The following CACNA1E variants were observed in gnomAD, a reference collection of about 807,000 sequenced individuals.
The protein encoded by CACNA1E is voltage-dependent R-type calcium channel subunit alpha-1E.
In CACNA1E, 40 loss-of-function variants were observed where a neutral mutation model predicts 259.2. The ratio of observed to expected loss-of-function variants is 0.15; its 90% CI spans 0.12 to 0.20. CACNA1E has a LOEUF of 0.20. CACNA1E is among the 10% of genes least tolerant of loss of function. CACNA1E has a pLI of 1.00. For synonymous variants in CACNA1E, 1,104 were observed against 1,138.5 expected (o/e 0.97, Z 0.61); for missense variants, 1,874 against 3,040.1 (o/e 0.62, Z 9.02).
rs199857531 is a variant in CACNA1E, at chr1:181,681,377, T to TG, written c.1056-29571dup. 1.0e-3 allele frequency among the ~76,000 whole-genome samples: 156 copies of TG among 152,292 alleles called. No homozygotes were observed. The East Asian group carries it at 0.013, about 12-fold the overall frequency. On this transcript the variant is annotated intron_variant, in intron 7 of 47. Transcript: ENST00000367573. ...CTACCAAAAACCCACTTGGCCATCTTGGGGGGCCTCTGGAATTCCTGGAGC... is the reference window on the plus strand; with the variant it reads ...CTACCAAAAACCCACTTGGCCATCTTGGGGGGGCCTCTGGAATTCCTGGAGC...
At chr1:181,493,249 T>C (rs1664469297) in intron 1 of CACNA1E, among the ~76,000 whole-genome samples, 1 of 152,020 alleles carries the variant, frequency 6.6e-6, no homozygotes, top group Non-Finnish European at 1.5e-5. Context: ...CTATCAGGAG[T>C]AGTGATTCTC....
At chr1:181,659,366 T>A (rs1263337892) in intron 7 of CACNA1E, among the ~76,000 whole-genome samples, 1 of 152,204 alleles carries the variant, frequency 6.6e-6, no homozygotes, top group Non-Finnish European at 1.5e-5. Context: ...CATTGTAGCA[T>A]TTTTACTTGT....
chr1:181,719,703 C>T (rs2102475841), intron 12 of CACNA1E, 48 bp from the exon 13 acceptor site: 3 of 1,055,860 alleles, frequency 2.8e-6, no homozygotes, highest in East Asian at 2.6e-5. Flanking sequence ...AATGCCCCCT[C>T]TTCTCCTCTT....
rs1372670914 is a variant in CACNA1E at position 181,798,345 on chromosome 1, C to T, written c.6453C>T (p.Thr2151=). The change falls in exon 48 of 48, where the codon ACC becomes ACT. Residue 2151 remains threonine, a synonymous_variant. Transcript: ENST00000367573. This position sits in a 1 kb window ranked among gnomAD's most constrained non-coding sequence, Gnocchi z 4.2. The part of the protein sequence containing the change: ...SSIPSVSDTS[T]PRRSRRQLPP... ...TCCCCTCTGTCTCTGACACCAGCAC[C>T]CCAAGAAGAAGTCGTCGGCAGCTCC... 4 of 1,610,032 alleles carry T rather than the reference C, an allele frequency of 2.5e-6. No homozygotes were observed. Among genetic ancestry groups the T allele is most frequent in the South Asian group, 1.1e-5 (1 of 91,046 alleles).
chr1:181,554,900 A>G (rs1648559690), intron 3 of CACNA1E, among the ~76,000 whole-genome samples: 1 of 152,170 alleles, frequency 6.6e-6, no homozygotes, highest in African/African-American at 2.4e-5. Flanking sequence ...GCTGGGTTCA[A>G]GTCTGGCTCT....
At chr1:181,742,300 G>A (rs973457321) in intron 25 of CACNA1E, among the ~76,000 whole-genome samples, 2 of 152,212 alleles carry the variant, frequency 1.3e-5, no homozygotes, top group Non-Finnish European at 1.5e-5. Context: ...AGAAGTCACT[G>A]AGCCTATATT....
intron 3 of CACNA1E, among the ~76,000 whole-genome samples, chr1:181,550,803 T>C (rs1038525615): frequency 4.6e-5 from 7 of 152,032 alleles, no homozygotes; most frequent in Non-Finnish European, 2.9e-5. Context: ...AAGTCCCTTG[T>C]CAGATAGCAG....
At chr1:181,345,608 A>G (rs143895488) in intron 1 of CACNA1E, among the ~76,000 whole-genome samples, 74 of 152,264 alleles carry the variant, frequency 4.9e-4, no homozygotes, top group Middle Eastern at 3.4e-3. Context: ...GAGAGGAGAC[A>G]TAGATGAACA....
intron 6 of CACNA1E, among the ~76,000 whole-genome samples, chr1:181,639,561 T>A (rs1657563539): frequency 6.6e-6 from 1 of 152,256 alleles, no homozygotes; most frequent in Admixed American, 6.5e-5. Flanking sequence ...TCCGACAGCT[T>A]ACGTGCATTC....
rs553539902 is a variant in CACNA1E at position 181,389,642 on chromosome 1, G to A, written c.-14-23491G>A. Among the ~76,000 whole-genome samples the A allele has an allele frequency of 5.9e-5, 9 of 152,326 alleles. 1 individual carries two copies. The East Asian group carries it at 1.7e-3, about 29-fold the overall frequency. ...TGTCGCAGGGAGGTCCCAGGTAGTG[G>A]CTTGTGTCTGTGTGTGTTTTACTTT... On this transcript the variant is annotated intron_variant, in intron 1 of 11. Coordinates refer to the CACNA1E transcript ENST00000524607.
intron 3 of CACNA1E, among the ~76,000 whole-genome samples, chr1:181,517,328 G>C (rs918431317): frequency 6.6e-6 from 1 of 152,098 alleles, no homozygotes; most frequent in Non-Finnish European, 1.5e-5. Context: ...TGGAAGCCTG[G>C]CAGGTGGCAT....
At chr1:181,319,856 G>A (rs2609480) in intron 1 of CACNA1E, among the ~76,000 whole-genome samples, 48,624 of 152,060 alleles carry the variant, frequency 0.32, 9,182 homozygotes, top group African/African-American at 0.52. Context: ...TTTCTAATGG[G>A]CTTTATTTCA....
chr1:181,742,962 G>C (rs548839732), intron 25 of CACNA1E, among the ~76,000 whole-genome samples: 36 of 152,250 alleles, frequency 2.4e-4, no homozygotes, highest in Admixed American at 2.3e-3. Flanking sequence ...TTTATTTTAA[G>C]TGTGGGCAGA....
chr1:181,353,596 G>T (rs1474690585), intron 1 of CACNA1E, among the ~76,000 whole-genome samples: 1 of 152,170 alleles, frequency 6.6e-6, no homozygotes, highest in Non-Finnish European at 1.5e-5. Context: ...GGTGACGGAT[G>T]GGGGTGGGAA....
At chr1:181,510,921 G>A (rs1438397268) in intron 2 of CACNA1E, among the ~76,000 whole-genome samples, 1 of 152,158 alleles carries the variant, frequency 6.6e-6, no homozygotes, top group Non-Finnish European at 1.5e-5. Flanking sequence ...GTGTATTTGT[G>A]GTTATGAACT....
intron 21 of CACNA1E, among the ~76,000 whole-genome samples, chr1:181,736,073 T>C (rs1656002471): frequency 6.6e-6 from 1 of 152,190 alleles, no homozygotes; most frequent in Non-Finnish European, 1.5e-5. Context: ...TCTCATAACA[T>C]TTGGGGAGGG....
chr1:181,634,814 A>T (rs922625478), intron 6 of CACNA1E, among the ~76,000 whole-genome samples: 2 of 152,176 alleles, frequency 1.3e-5, no homozygotes, highest in African/African-American at 2.4e-5. Context: ...CTCCTACTCC[A>T]GGTATGTCCC....
intron 37 of CACNA1E, among the ~76,000 whole-genome samples, chr1:181,775,279 C>T (rs547595777): frequency 6.6e-6 from 1 of 152,230 alleles, no homozygotes; most frequent in South Asian, 2.1e-4. Context: ...CAGCCAAGAA[C>T]CTGGGCCAGA....
chr1:181,506,500 G>T (rs1665723909), intron 1 of CACNA1E, among the ~76,000 whole-genome samples: 1 of 152,180 alleles, frequency 6.6e-6, no homozygotes, highest in Non-Finnish European at 1.5e-5. Context: ...CATTGACTAA[G>T]CTCCTACTAT....
Sources: allele counts gnomAD v4.1 joint callset (sites outside exome capture counted in the v4.1 genomes callset), GRCh38; gene constraint gnomAD v4.1.1; non-coding constraint Gnocchi (gnomAD v3.1); transcripts MANE v1.5; gene names NCBI Gene and HGNC (gene_info 2026-07-23, HGNC 2026-07-21).